RSL1D1: variants seen among roughly 807,000 people sequenced by gnomAD.
The protein encoded by RSL1D1 is ribosomal L1 domain-containing protein 1.
Under a neutral mutation model 44.6 loss-of-function variants are expected in RSL1D1, and 34 were observed. That is an observed-to-expected ratio of 0.76 (90% CI 0.58 to 1.02). The LOEUF (loss-of-function observed/expected upper bound fraction) is 1.02, where lower values mean the gene tolerates loss of function less well. RSL1D1 is among the 50% of genes least tolerant of loss of function. The pLI, the probability that RSL1D1 is intolerant of heterozygous loss-of-function variation, is 0.00. For missense variants in RSL1D1, 767 were observed against 568.1 expected (o/e 1.35, Z -3.56); for synonymous variants, 271 against 207.4 (o/e 1.31, Z -2.63).
intron 2 of RSL1D1, among the ~76,000 whole-genome samples, chr16:11,849,757 C>G (rs2053823977): frequency 6.6e-6 from 1 of 152,182 alleles, no homozygotes; most frequent in South Asian, 2.1e-4. Context: ...TTCAACAGAC[C>G]TGATTACGTT....
chr16:11,842,039 C>A lies in RSL1D1; in HGVS notation c.636-39G>T, dbSNP rs549482564. 87 of 1,443,616 alleles carry A rather than the reference C, an allele frequency of 6.0e-5. No individual in the cohort carries two copies. The African/African-American group carries it at 6.7e-4, about 11-fold the overall frequency. 89.4% of individuals were successfully genotyped at this position (1,443,616 alleles called of 1,614,324 possible). A position where few individuals can be genotyped will look rare whatever the true frequency, so the allele number is the denominator to read the frequency against. ...TAGTATTAGACAAGATTTTAAAAAA[C>A]CATTTTTCAAAATAAACCAGGCAGG... On this transcript the variant is annotated intron_variant, in intron 5 of 8. Transcript: ENST00000571133.
At chr16:11,840,237 G>A (rs1348091587) in intron 7 of RSL1D1, among the ~76,000 whole-genome samples, 1 of 152,190 alleles carries the variant, frequency 6.6e-6, no homozygotes, top group South Asian at 2.1e-4. Context: ...ACAGTTAAGA[G>A]ACTTTTGTGA....
At chr16:11,848,330 T>C (rs2053813472) in intron 2 of RSL1D1, among the ~76,000 whole-genome samples, 1 of 152,224 alleles carries the variant, frequency 6.6e-6, no homozygotes, top group Admixed American at 6.5e-5. Flanking sequence ...AAATATCAAT[T>C]AACACTTGGG....
rs2053803329 is a variant in RSL1D1 at position 11,846,951 on chromosome 16, G to A, written c.385-108C>T. The stretch of plus-strand genomic sequence containing the variant: ...GGATTTAAAAATGTCCTAGAGCCAT[G>A]CCTCTATACTTTAATGAACACTTGA... On this transcript the variant is annotated intron_variant, in intron 3 of 8. Coordinates refer to ENST00000571133, the MANE Select transcript of RSL1D1 (RefSeq NM_015659.3). 1.8e-5 allele frequency: 17 copies of A among 953,510 alleles called. 1 individual carries two copies. The Middle Eastern group carries it at 3.3e-3, about 185-fold the overall frequency. The allele number at this position is 953,510 out of a possible 1,614,324, so 59.1% of individuals were successfully genotyped here.
rs1330958488 is a variant in RSL1D1, at chr16:11,834,014, G to C, written c.*3773C>G. On this transcript the variant is annotated 3_prime_UTR_variant, in exon 9 of 9. Transcript: ENST00000571133. ...GAAGAGGATGGATTCCAGAAACCCA[G>C]TGCCAACAATGAAATATCACCCTCA... The C allele has an allele frequency of 6.6e-6, 1 of 152,170 alleles. No homozygotes were observed. Among genetic ancestry groups the C allele is most frequent in the South Asian group, 2.1e-4 (1 of 4,820 alleles). 9.4% of individuals were successfully genotyped at this position (152,170 alleles called of 1,614,324 possible).
intron 3 of RSL1D1, 152 bp from the exon 4 acceptor site, chr16:11,846,995 G>A (rs2053803768): frequency 1.5e-6 from 1 of 682,162 alleles, no homozygotes; most frequent in Non-Finnish European, 2.5e-6. Context: ...AATGTGCCAG[G>A]CACTACGCTA....
intron 5 of RSL1D1, among the ~76,000 whole-genome samples, chr16:11,844,987 G>C (rs1243573538): frequency 6.6e-6 from 1 of 152,216 alleles, no homozygotes; most frequent in Non-Finnish European, 1.5e-5. Context: ...TAGTAGGTAA[G>C]ACTAGGTGTG....
chr16:11,847,446 C>T (rs2053806796), intron 3 of RSL1D1: 3 of 455,708 alleles, frequency 6.6e-6, no homozygotes, highest in Admixed American at 8.2e-5. Flanking sequence ...AACAGCAAAT[C>T]AGAGAAAAAC....
chr16:11,845,724 T>A (rs1338798666), intron 5 of RSL1D1, among the ~76,000 whole-genome samples: 4 of 117,578 alleles, frequency 3.4e-5, no homozygotes, highest in Admixed American at 3.3e-4. Context: ...GAACTGAACT[T>A]TTTTTTTTTT....
In RSL1D1 at chr16:11,839,595, C is replaced by CGAA. The variant is rs754171488; in HGVS notation, c.1146+99_1146+100insTTC. On this transcript the variant is annotated intron_variant, in intron 8 of 8. Coordinates refer to ENST00000571133, the MANE Select transcript of RSL1D1 (RefSeq NM_015659.3). Reference sequence around the variant, plus strand: ...AACCACCTTCACAGTTCTTTGGGTTCACTCTAGTATTTTTCATCATTTATT... The same window carrying CGAA: ...AACCACCTTCACAGTTCTTTGGGTTCGAAACTCTAGTATTTTTCATCATTTATT... The CGAA allele has an allele frequency of 2.2e-4, 321 of 1,469,838 alleles. 1 individual carries two copies. The highest frequency in any genetic ancestry group is 2.8e-4 in the Admixed American group (12 of 42,296). 91.0% of individuals were successfully genotyped at this position (1,469,838 alleles called of 1,614,324 possible).
At chr16:11,839,546 A>AT in intron 8 of RSL1D1, 149 bp downstream of exon 8, 21 of 621,024 alleles carry the variant, frequency 3.4e-5, no homozygotes, top group East Asian at 1.2e-4. Context: ...AAAAAAAAAA[A>AT]GGTACAATAA....
chr16:11,846,557 C>T lies in RSL1D1; in HGVS notation c.579G>A (p.Glu193=), dbSNP rs548848518. 2 of 1,608,178 alleles carry T rather than the reference C, an allele frequency of 1.2e-6. No homozygotes were observed. The highest frequency in any genetic ancestry group is 1.7e-6 in the Non-Finnish European group (2 of 1,177,560). The part of the protein sequence containing the change: ...VNLLSKNLSR[E]INDCIGGTVL... ...CTGTTCCACCTATACAGTCATTGAT[C>T]TCTCTTGATAAATTCTTGGACAGAA... The change falls in exon 5 of 9, where the codon GAG becomes GAA. Residue 193 remains glutamate (E), a synonymous_variant. Coordinates refer to ENST00000571133, the MANE Select transcript of RSL1D1 (RefSeq NM_015659.3).
Position 11,847,918 on chromosome 16 carries a change from T to C in RSL1D1, c.246-112A>G, listed in dbSNP as rs1428812886. ...GTGTTATTTAAATAACTTTTAGTCATGCTAGTTAAGCAAATAATGCACCAA... is the reference window on the plus strand; with the variant it reads ...GTGTTATTTAAATAACTTTTAGTCACGCTAGTTAAGCAAATAATGCACCAA... On this transcript the variant is annotated intron_variant, in intron 2 of 8. Transcript: ENST00000571133. 1.3e-5 allele frequency: 15 copies of C among 1,139,642 alleles called. No individual in the cohort carries two copies. In the Admixed American group the frequency reaches 1.8e-4, roughly 14 times the overall value. 70.6% of individuals were successfully genotyped at this position (1,139,642 alleles called of 1,614,324 possible).
chr16:11,843,097 ATT>A (rs752674268), intron 5 of RSL1D1, among the ~76,000 whole-genome samples: 18 of 118,182 alleles, frequency 1.5e-4, no homozygotes, highest in Admixed American at 1.7e-4. Context: ...AATTTTTTGT[ATT>A]TTTTTTTTTT....
rs1312281193 is a variant in RSL1D1 at position 11,835,841 on chromosome 16, G to A, written c.*1946C>T. 6.6e-6 allele frequency: 1 copy of A among 152,230 alleles called. No homozygotes were observed. Among genetic ancestry groups the A allele is most frequent in the East Asian group, 1.9e-4 (1 of 5,202 alleles). 9.4% of individuals were successfully genotyped at this position (152,230 alleles called of 1,614,324 possible). A position where few individuals can be genotyped will look rare whatever the true frequency, so the allele number is the denominator to read the frequency against. ...AAAAGAGTCTTGGAATATGTCCAGG[G>A]TCAAGGGTCTAAAACCCCTTGTGGT... is the stretch of plus-strand genomic sequence containing the variant. On this transcript the variant is annotated 3_prime_UTR_variant, in exon 9 of 9. Transcript: ENST00000571133.
chr16:11,839,891 C>CTAAG lies in RSL1D1; in HGVS notation c.946_949dup (p.Ser317ThrfsTer2). The stretch of plus-strand genomic sequence containing the variant: ...ACTTTCAGGTGCCACATCATCTTTA[C>CTAAG]TAAGAACTGATGCAGTCTTCCTAGC... On this transcript the variant is annotated stop_gained and frameshift_variant, in exon 8 of 9. Coordinates refer to ENST00000571133, the MANE Select transcript of RSL1D1 (RefSeq NM_015659.3). LOFTEE classifies it high-confidence loss of function. 6.2e-7 allele frequency: 1 copy of CTAAG among 1,614,152 alleles called. No individual in the cohort carries two copies. The highest frequency in any genetic ancestry group is 1.1e-5 in the South Asian group (1 of 91,080).
chr16:11,851,245 C>A lies in RSL1D1; in HGVS notation c.105+163G>T, dbSNP rs544411851. 42 of 699,492 alleles carry A rather than the reference C, an allele frequency of 6.0e-5. No individual in the cohort carries two copies. In the African/African-American group the frequency reaches 7.0e-4, roughly 12 times the overall value. The allele number at this position is 699,492 out of a possible 1,614,324, so 43.3% of individuals were successfully genotyped here. Reference sequence around the variant, plus strand: ...AGGACCAGGGAAAGCAGGCGCCCACCCACGTGTGTAAAGGGGAGAGACAGC... The same window carrying A: ...AGGACCAGGGAAAGCAGGCGCCCACACACGTGTGTAAAGGGGAGAGACAGC... On this transcript the variant is annotated intron_variant, in intron 1 of 8. Transcript: ENST00000571133.
At chr16:11,851,184 G>A (rs2053834876) in intron 1 of RSL1D1, 2 of 600,854 alleles carry the variant, frequency 3.3e-6, no homozygotes, top group Admixed American at 2.7e-5. Flanking sequence ...TAGCTCCACA[G>A]CACACTTGCA....
intron 5 of RSL1D1, among the ~76,000 whole-genome samples, chr16:11,843,664 C>G (rs907145939): frequency 1.3e-5 from 2 of 151,510 alleles, no homozygotes; most frequent in African/African-American, 4.8e-5. Flanking sequence ...GTCAGGAGAC[C>G]GAGACCATCC....
Sources: gnomAD v4.1 joint callset for allele counts (sites outside exome capture counted in the v4.1 genomes callset) on GRCh38, gnomAD v4.1.1 for gene constraint, MANE v1.5 for transcripts, NCBI Gene and HGNC (gene_info 2026-07-23, HGNC 2026-07-21) for gene names.